The following PUDP variants were observed in gnomAD, a reference collection of about 807,000 sequenced individuals.
PUDP encodes the protein pseudouridine 5'-phosphatase, also known as pseudouridine-5'-phosphatase.
PUDP carries 8 observed loss-of-function variants against 9.4 expected under a neutral mutation model. The ratio of observed to expected loss-of-function variants is 0.85; its 90% confidence interval spans 0.50 to 1.53. The LOEUF is 1.53. Among genes scored for constraint, PUDP ranks in the 40% most tolerant of loss-of-function variants. PUDP has a pLI of 0.00. For missense variants in PUDP, 188 were observed against 189.7 expected, an observed-to-expected ratio of 0.99 and a Z score of 0.05; for synonymous variants, 99 against 80.7, an observed-to-expected ratio of 1.23 and a Z score of -1.22.
At chrX:6,890,328 A>G (rs1177729654) in intron 3 of PUDP, among the ~76,000 whole-genome samples, 2 of 112,022 alleles carry the variant, frequency 1.8e-5, no homozygotes, top group Non-Finnish European at 3.8e-5. Flanking sequence ...TAAGTAACCT[A>G]TAACTAAACT....
chrX:6,717,386 T>C (rs1924612125), intron 1 of PUDP, among the ~76,000 whole-genome samples: 1 of 111,549 alleles, frequency 9.0e-6, no homozygotes, highest in Middle Eastern at 4.6e-3. Context: ...CTTGCTGCTC[T>C]GGGTTGGAAC....
At chrX:6,923,468 G>A (rs749194386) in intron 3 of PUDP, among the ~76,000 whole-genome samples, 2 of 111,839 alleles carry the variant, frequency 1.8e-5, no homozygotes, top group Non-Finnish European at 3.8e-5. Flanking sequence ...AGCAACTCCT[G>A]CAGTCTTCTG....
At chrX:6,715,173 C>T (rs1489067125) in intron 1 of PUDP, among the ~76,000 whole-genome samples, 1 of 111,136 alleles carries the variant, frequency 9.0e-6, no homozygotes, top group Non-Finnish European at 1.9e-5. Context: ...ATTTTATAAA[C>T]TGACATCCTT....
intron 3 of PUDP, among the ~76,000 whole-genome samples, chrX:7,064,582 G>A (rs1930494433): frequency 9.0e-6 from 1 of 111,259 alleles, no homozygotes; most frequent in Non-Finnish European, 1.9e-5. Context: ...CTGTGTCCCT[G>A]AGAGGTGCCC....
chrX:7,064,809 AT>A (rs1274279321), intron 3 of PUDP, among the ~76,000 whole-genome samples: 1 of 111,697 alleles, frequency 9.0e-6, no homozygotes, highest in Non-Finnish European at 1.9e-5. Flanking sequence ...CAGAAAACGT[AT>A]TTTCTTAACC....
chrX:6,727,544 G>A (rs1924753911), intron 3 of PUDP, among the ~76,000 whole-genome samples: 1 of 112,149 alleles, frequency 8.9e-6, no homozygotes, highest in Non-Finnish European at 1.9e-5. Flanking sequence ...ACTACTGGGT[G>A]TGCACTCCTG....
intron 3 of PUDP, among the ~76,000 whole-genome samples, chrX:6,793,878 C>T (rs1204219011): frequency 9.0e-6 from 1 of 111,701 alleles, no homozygotes; most frequent in Non-Finnish European, 1.9e-5. Context: ...ATTGGCTGGA[C>T]GTTAAATATA....
chrX:6,933,328 G>A (rs1273744614), intron 3 of PUDP, among the ~76,000 whole-genome samples: 2 of 111,257 alleles, frequency 1.8e-5, no homozygotes, highest in African/African-American at 6.5e-5. Flanking sequence ...CGCGGCTCAC[G>A]AAAAACCGCT....
intron 1 of PUDP, among the ~76,000 whole-genome samples, chrX:6,987,185 T>C (rs1015630821): frequency 1.3e-4 from 14 of 111,883 alleles, no homozygotes; most frequent in African/African-American, 4.6e-4. Flanking sequence ...CCAGGGAGCA[T>C]ATGCTAAAAA....
At position 6,902,951 on chromosome X, in the gene PUDP, G is replaced by T. The variant is rs189394044; in HGVS notation, c.*247+74182C>A. 3.0e-4 allele frequency among the ~76,000 whole-genome samples: 33 copies of T among 111,492 alleles called. 1 individual carries two copies. In the East Asian group the frequency reaches 5.3e-3, roughly 18 times the overall value. ...AATTCATTTTTTTCTTTAAAAACAA[G>T]GTATTCGGTTACAATGTCAGTAATA... On this transcript the variant is annotated intron_variant and NMD_transcript_variant, in intron 3 of 3. Coordinates refer to the PUDP transcript ENST00000655425.
chrX:6,927,809 G>A (rs1487523661), intron 3 of PUDP, among the ~76,000 whole-genome samples: 1 of 111,451 alleles, frequency 9.0e-6, no homozygotes, highest in Non-Finnish European at 1.9e-5. Flanking sequence ...GGTGAAACAG[G>A]TGGTGGGCTG....
At chrX:7,043,337 A>G (rs1929947440) in intron 1 of PUDP, among the ~76,000 whole-genome samples, 2 of 110,063 alleles carry the variant, frequency 1.8e-5, no homozygotes, top group South Asian at 8.0e-4. Flanking sequence ...ACAAGAGCTG[A>G]TTGTTAGAAA....
intron 1 of PUDP, among the ~76,000 whole-genome samples, chrX:7,040,018 CTG>C (rs1322268814): frequency 8.9e-6 from 1 of 112,272 alleles, no homozygotes; most frequent in Non-Finnish European, 1.9e-5. Flanking sequence ...GGGTTTCTTT[CTG>C]TGAGTTCACC....
upstream of PUDP, among the ~76,000 whole-genome samples, chrX:6,725,349 T>C (rs1326798528): frequency 9.0e-6 from 1 of 111,730 alleles, no homozygotes; most frequent in Non-Finnish European, 1.9e-5. Flanking sequence ...AAATGTACAT[T>C]ATACCCATTA....
At chrX:6,791,444 G>A (rs1925747791) in intron 3 of PUDP, among the ~76,000 whole-genome samples, 2 of 111,680 alleles carry the variant, frequency 1.8e-5, no homozygotes, top group Non-Finnish European at 3.8e-5. Flanking sequence ...CTGCGAATCT[G>A]CAAAGAGTAA....
chrX:7,106,398 G>C (rs1473602186), intron 1 of PUDP, among the ~76,000 whole-genome samples: 1 of 112,172 alleles, frequency 8.9e-6, no homozygotes, highest in Non-Finnish European at 1.9e-5. Flanking sequence ...CTCCCGGCTC[G>C]GCACTTACTC....
chrX:6,764,740 C>T (rs1250007232), intron 3 of PUDP, among the ~76,000 whole-genome samples: 1 of 111,218 alleles, frequency 9.0e-6, no homozygotes, highest in African/African-American at 3.3e-5. Flanking sequence ...TCAGAATATG[C>T]CTGAATCTGT....
intron 3 of PUDP, among the ~76,000 whole-genome samples, chrX:6,834,714 T>A (rs1199387307): frequency 9.0e-6 from 1 of 111,302 alleles, no homozygotes; most frequent in African/African-American, 3.3e-5. Context: ...TGACTCAAGG[T>A]CCTGAAGGCT....
intron 3 of PUDP, among the ~76,000 whole-genome samples, chrX:6,970,009 G>A (rs1928847744): frequency 8.9e-6 from 1 of 111,869 alleles, no homozygotes; most frequent in South Asian, 3.7e-4. Flanking sequence ...TATTCCTTTT[G>A]GGCATAAAAC....
Sources: allele counts gnomAD v4.1 joint callset (sites outside exome capture counted in the v4.1 genomes callset), GRCh38; gene constraint gnomAD v4.1.1; transcripts MANE v1.5; gene names NCBI Gene and HGNC (gene_info 2026-07-23, HGNC 2026-07-21).